The following DLGAP2 variants were observed in gnomAD, a reference collection of about 807,000 sequenced individuals.
DLGAP2 encodes the protein disks large-associated protein 2.
In DLGAP2, 26 loss-of-function variants were observed where a neutral mutation model predicts 100.3. The ratio of observed to expected loss-of-function variants is 0.26; its 90% CI spans 0.19 to 0.36. The LOEUF (loss-of-function observed/expected upper bound fraction) is 0.36, where lower values mean the gene tolerates loss of function less well. DLGAP2 is among the 10% of genes least tolerant of loss of function. DLGAP2 has a pLI of 1.00. For synonymous variants in DLGAP2, 886 were observed against 630.1 expected (o/e 1.41, Z -6.08); for missense variants, 1,858 against 1,453.2 (o/e 1.28, Z -4.53).
chr8:1,033,634 T>C (rs991651483), intron 2 of DLGAP2, among the ~76,000 whole-genome samples: 6 of 152,178 alleles, frequency 3.9e-5, no homozygotes, highest in Admixed American at 3.9e-4. Context: ...CACTCTGCAC[T>C]CCAGCCTGGG....
chr8:743,141 C>T (rs1004852706), intron 1 of DLGAP2, among the ~76,000 whole-genome samples: 4 of 152,030 alleles, frequency 2.6e-5, no homozygotes, highest in Non-Finnish European at 4.4e-5. Context: ...CCCAACTTAA[C>T]CACAGAAGGA....
chr8:1,663,793 G>A (rs181883395), intron 8 of DLGAP2, among the ~76,000 whole-genome samples: 278 of 152,248 alleles, frequency 1.8e-3, no homozygotes, highest in Admixed American at 2.4e-3. Flanking sequence ...CAAAACAAGC[G>A]TTCCAGCATC....
At chr8:1,071,747 A>G (rs1358757672) in intron 2 of DLGAP2, among the ~76,000 whole-genome samples, 1 of 152,166 alleles carries the variant, frequency 6.6e-6, no homozygotes, top group Non-Finnish European at 1.5e-5. Flanking sequence ...TATTTTCCTA[A>G]TATGTGTGTG....
chr8:1,280,017 T>A (rs555395483), intron 3 of DLGAP2, among the ~76,000 whole-genome samples: 9 of 152,218 alleles, frequency 5.9e-5, no homozygotes, highest in Non-Finnish European at 1.2e-4. Context: ...TTCTGGACTT[T>A]GAGGAGCTTA....
At chr8:1,173,634 C>G (rs557418724) in intron 2 of DLGAP2, among the ~76,000 whole-genome samples, 96 of 152,326 alleles carry the variant, frequency 6.3e-4, no homozygotes, top group African/African-American at 2.2e-3. Flanking sequence ...TGATCTTAGA[C>G]TGCTGTGCTA....
chr8:1,657,629 A>C (rs556959674), intron 8 of DLGAP2, among the ~76,000 whole-genome samples: 28 of 152,378 alleles, frequency 1.8e-4, no homozygotes, highest in Admixed American at 5.9e-4. Flanking sequence ...AGGGCTGTAC[A>C]GGCACAACAA....
At chr8:947,670 C>G (rs770869691) in intron 2 of DLGAP2, among the ~76,000 whole-genome samples, 1 of 152,198 alleles carries the variant, frequency 6.6e-6, no homozygotes, top group South Asian at 2.1e-4. Flanking sequence ...GCCGGGCCAT[C>G]CTGTCCTGGC....
intron 3 of DLGAP2, among the ~76,000 whole-genome samples, chr8:1,333,621 C>A (rs1801207476): frequency 6.6e-6 from 1 of 152,302 alleles, no homozygotes; most frequent in Admixed American, 6.5e-5. Flanking sequence ...TAGGCAGCGA[C>A]TGTGGCGTGA....
chr8:918,565 C>G (rs1798642976), intron 2 of DLGAP2, among the ~76,000 whole-genome samples: 1 of 152,204 alleles, frequency 6.6e-6, no homozygotes, highest in Non-Finnish European at 1.5e-5. Context: ...AACAGGTGTA[C>G]TTGGTGTTCA....
chr8:1,661,034 G>C (rs1023879605), intron 8 of DLGAP2, among the ~76,000 whole-genome samples: 6 of 152,248 alleles, frequency 3.9e-5, no homozygotes, highest in Admixed American at 3.9e-4. Context: ...CTGCTGGCAA[G>C]GGTTGGGGGA....
In DLGAP2 at chr8:799,331, G is replaced by T. The variant is rs556772633; in HGVS notation, c.18+61506G>T. 3.0e-3 allele frequency among the ~76,000 whole-genome samples: 451 copies of T among 152,238 alleles called. 5 individuals are homozygous for T. The highest frequency in any genetic ancestry group is 4.6e-3 in the Non-Finnish European group (314 of 68,020). ...GTTTACAGTTGCGCTTGTCTCGTGG[G>T]CAGAGGAGGGAGTGTGGCGGGAGGG... is the stretch of plus-strand genomic sequence containing the variant. On this transcript the variant is annotated intron_variant, in intron 1 of 14. Transcript: ENST00000637795.
intron 3 of DLGAP2, among the ~76,000 whole-genome samples, chr8:1,488,544 A>C (rs1164613064): frequency 6.6e-6 from 1 of 152,168 alleles, no homozygotes; most frequent in Non-Finnish European, 1.5e-5. Context: ...AAGCAGCTCC[A>C]CAGGTAGCCC....
At chr8:1,329,288 C>G (rs1174761572) in intron 3 of DLGAP2, among the ~76,000 whole-genome samples, 1 of 152,178 alleles carries the variant, frequency 6.6e-6, no homozygotes, top group Non-Finnish European at 1.5e-5. Context: ...TCAGTAATCG[C>G]ACAAGTGCAC....
At chr8:1,474,813 A>T (rs540646105) in intron 3 of DLGAP2, among the ~76,000 whole-genome samples, 39 of 152,350 alleles carry the variant, frequency 2.6e-4, no homozygotes, top group African/African-American at 8.7e-4. Flanking sequence ...CCCTGTGGAA[A>T]GCAGTTTGTA....
chr8:1,555,147 A>G (rs1010344570), intron 5 of DLGAP2, among the ~76,000 whole-genome samples: 1 of 152,140 alleles, frequency 6.6e-6, no homozygotes, highest in African/African-American at 2.4e-5. Flanking sequence ...GTAGTGGAAT[A>G]GCAGGTCCGG....
At chr8:1,370,301 A>G (rs1802206483) in intron 3 of DLGAP2, among the ~76,000 whole-genome samples, 1 of 152,114 alleles carries the variant, frequency 6.6e-6, no homozygotes, top group Admixed American at 6.6e-5. Context: ...GGTCGGCAGC[A>G]GTCACACGGC....
chr8:1,549,759 C>G lies in DLGAP2; in HGVS notation c.1230+76C>G, dbSNP rs188163845. The G allele has an allele frequency of 3.6e-5, 50 of 1,376,698 alleles. No individual in the cohort carries two copies. In the African/African-American group the frequency reaches 6.7e-4, roughly 18 times the overall value. The allele number at this position is 1,376,698 out of a possible 1,614,324, so 85.3% of individuals were successfully genotyped here. A position where few individuals can be genotyped will look rare whatever the true frequency, so the allele number is the denominator to read the frequency against. On this transcript the variant is annotated intron_variant, in intron 5 of 14. Coordinates refer to ENST00000637795, the MANE Select transcript of DLGAP2 (RefSeq NM_001346810.2). ...TTGTCGTTATTCCTTTTTTAATTGACAGATAACAACTGCATACACATTTAG... is the reference window on the plus strand; with the variant it reads ...TTGTCGTTATTCCTTTTTTAATTGAGAGATAACAACTGCATACACATTTAG...
intron 2 of DLGAP2, among the ~76,000 whole-genome samples, chr8:1,040,959 G>A (rs1802329510): frequency 6.6e-6 from 1 of 152,112 alleles, no homozygotes; most frequent in Non-Finnish European, 1.5e-5. Flanking sequence ...AGTCTGTAAA[G>A]GTGCAGGGTG....
intron 2 of DLGAP2, among the ~76,000 whole-genome samples, chr8:1,212,581 G>T (rs1266311003): frequency 2.0e-5 from 3 of 152,094 alleles, no homozygotes; most frequent in African/African-American, 4.8e-5. Flanking sequence ...TTAACAAACT[G>T]CAGTCTAGAA....
Sources: gnomAD v4.1 joint callset for allele counts (sites outside exome capture counted in the v4.1 genomes callset) on GRCh38, gnomAD v4.1.1 for gene constraint, MANE v1.5 for transcripts, NCBI Gene and HGNC (gene_info 2026-07-23, HGNC 2026-07-21) for gene names.